The following LRRC4C variants were observed in gnomAD, a reference collection of about 807,000 sequenced individuals.
The protein encoded by LRRC4C is leucine rich repeat containing 4C.
LRRC4C carries 5 observed loss-of-function variants against 33.6 expected under a neutral mutation model. The observed-to-expected ratio is 0.15, with a 90% CI of 0.08 to 0.31. The LOEUF is 0.31. LRRC4C is among the 10% of genes least tolerant of loss of function. The pLI, the probability that LRRC4C is intolerant of heterozygous loss-of-function variation, is 1.00. For synonymous variants in LRRC4C, 329 were observed against 302.0 expected, an observed-to-expected ratio of 1.09 and a Z score of -0.93; for missense variants, 560 against 796.7, an observed-to-expected ratio of 0.70 and a Z score of 3.58.
At chr11:40,548,151 G>A (rs1956999216) in intron 3 of LRRC4C, among the ~76,000 whole-genome samples, 1 of 152,008 alleles carries the variant, frequency 6.6e-6, no homozygotes, top group South Asian at 2.1e-4. Flanking sequence ...AAAAATCACT[G>A]AAGAAAATAA....
chr11:40,160,452 G>T (rs1001524640), intron 5 of LRRC4C, among the ~76,000 whole-genome samples: 2 of 152,024 alleles, frequency 1.3e-5, no homozygotes, highest in Non-Finnish European at 2.9e-5. Context: ...AATTTCGAGG[G>T]CATGAGAACA....
chr11:41,118,422 G>C (rs1942251379), intron 1 of LRRC4C, among the ~76,000 whole-genome samples: 1 of 152,168 alleles, frequency 6.6e-6, no homozygotes, highest in African/African-American at 2.4e-5. Context: ...TAGAATCAAA[G>C]ACAGCAAAGC....
chr11:41,344,182 T>C (rs1225443528), intron 1 of LRRC4C, among the ~76,000 whole-genome samples: 4 of 152,006 alleles, frequency 2.6e-5, no homozygotes, highest in Non-Finnish European at 5.9e-5. Flanking sequence ...AGCCCAGTGA[T>C]TTTCCCAATA....
chr11:40,324,079 G>A (rs1418037398), intron 3 of LRRC4C, among the ~76,000 whole-genome samples: 3 of 152,210 alleles, frequency 2.0e-5, no homozygotes, highest in Non-Finnish European at 2.9e-5. Flanking sequence ...GTGAGTTTAT[G>A]TGTGTGTGTT....
At chr11:40,557,644 G>A (rs1240945346) in intron 3 of LRRC4C, among the ~76,000 whole-genome samples, 1 of 151,914 alleles carries the variant, frequency 6.6e-6, no homozygotes. Flanking sequence ...TGAGGAAAGT[G>A]AGCTTCTCTG....
chr11:41,007,399 A>G (rs2137472586), intron 1 of LRRC4C, among the ~76,000 whole-genome samples: 1 of 152,216 alleles, frequency 6.6e-6, no homozygotes, highest in South Asian at 2.1e-4. Context: ...CAGATTGCCA[A>G]GGATTATACA....
At chr11:40,965,628 C>A (rs1388750311) in intron 1 of LRRC4C, among the ~76,000 whole-genome samples, 2 of 152,094 alleles carry the variant, frequency 1.3e-5, no homozygotes, top group Non-Finnish European at 2.9e-5. Flanking sequence ...AATAGGGAAT[C>A]CTTTCCCCAT....
rs1041999571 is a variant in LRRC4C, at chr11:40,193,548, C to A, written c.-96+47971G>T. Reference sequence around the variant, plus strand: ...TTCCAAAAACCAGAATGCCTCTTCTCCTCCAAAGGATCACGACTCCTCGCC... The same window carrying A: ...TTCCAAAAACCAGAATGCCTCTTCTACTCCAAAGGATCACGACTCCTCGCC... On this transcript the variant is annotated intron_variant, in intron 5 of 6. Transcript: ENST00000528697. 2.6e-5 allele frequency among the ~76,000 whole-genome samples: 4 copies of A among 152,134 alleles called. No homozygotes were observed. The South Asian group carries it at 8.3e-4, about 31-fold the overall frequency.
intron 1 of LRRC4C, among the ~76,000 whole-genome samples, chr11:41,168,972 G>A (rs540128545): frequency 5.3e-5 from 8 of 152,060 alleles, no homozygotes; most frequent in African/African-American, 1.2e-4. Context: ...GCCATTCTTC[G>A]CAAGGAGATT....
chr11:41,145,682 C>A (rs978764076), intron 1 of LRRC4C, among the ~76,000 whole-genome samples: 8 of 152,210 alleles, frequency 5.3e-5, no homozygotes, highest in African/African-American at 1.9e-4. Flanking sequence ...TCTAGACTGT[C>A]CATTTGAATA....
chr11:40,436,425 G>A lies in LRRC4C; in HGVS notation c.-269-116704C>T, dbSNP rs866603661. ...AGTGTCACTCTAAGGAAGTAGGAGT[G>A]TGACTTGAGTAATAAAGGCAAATTT... On this transcript the variant is annotated intron_variant, in intron 3 of 6. Coordinates refer to ENST00000528697, the MANE Select transcript of LRRC4C (RefSeq NM_001258419.2). 8.7e-4 allele frequency among the ~76,000 whole-genome samples: 133 copies of A among 152,246 alleles called. 1 individual carries two copies. Among genetic ancestry groups the A allele is most frequent in the African/African-American group, 2.8e-3 (118 of 41,546 alleles).
intron 3 of LRRC4C, chr11:40,445,658 T>A (rs1951599181): frequency 6.5e-6 from 1 of 152,844 alleles, no homozygotes. Context: ...CCACATTCCT[T>A]ACATTCATAA....
Position 40,353,606 on chromosome 11 carries a change from T to C in LRRC4C, c.-269-33885A>G, listed in dbSNP as rs886522113. On this transcript the variant is annotated intron_variant, in intron 3 of 6. Transcript: ENST00000528697. The stretch of plus-strand genomic sequence containing the variant: ...TCACGTGCCTGTAATTCTAGGTATT[T>C]GGGAGGCTGAGTCATGAGAAACACT... Among the ~76,000 whole-genome samples, 11 of 152,180 alleles carry C rather than the reference T, an allele frequency of 7.2e-5. 1 individual carries two copies. Among genetic ancestry groups the C allele is most frequent in the Admixed American group, 7.2e-4 (11 of 15,286 alleles).
chr11:40,646,031 GTT>G (rs57017910), intron 3 of LRRC4C, among the ~76,000 whole-genome samples: 79,039 of 141,492 alleles, frequency 0.56, 21,158 homozygotes, highest in East Asian at 0.68. Flanking sequence ...ATTCCTCAGT[GTT>G]TTTTTTTTTT....
At chr11:41,424,154 C>CA (rs759667685) in intron 1 of LRRC4C, among the ~76,000 whole-genome samples, 42 of 152,138 alleles carry the variant, frequency 2.8e-4, no homozygotes, top group Middle Eastern at 3.4e-3. Context: ...GAAACTATCC[C>CA]ATTCCGATAG....
At chr11:40,874,885 G>C (rs887984400) in intron 2 of LRRC4C, among the ~76,000 whole-genome samples, 2 of 152,148 alleles carry the variant, frequency 1.3e-5, no homozygotes, top group African/African-American at 4.8e-5. Context: ...GAGATACTGA[G>C]TGAATAAAGA....
In LRRC4C at chr11:40,975,801, A is replaced by T. The variant is rs112139555; in HGVS notation, c.-495-42078T>A. ...AGGCAGATTTCAAAGCTTATATAAAATATGTTCCCTCTCAATCTTGTAGGC... is the reference window on the plus strand; with the variant it reads ...AGGCAGATTTCAAAGCTTATATAAATTATGTTCCCTCTCAATCTTGTAGGC... On this transcript the variant is annotated intron_variant, in intron 1 of 6. Transcript: ENST00000528697. Among the ~76,000 whole-genome samples the T allele has an allele frequency of 6.6e-4, 100 of 152,306 alleles. 1 individual carries two copies. Among genetic ancestry groups the T allele is most frequent in the African/African-American group, 2.3e-3 (95 of 41,566 alleles).
At chr11:40,427,481 TG>T (rs1950759558) in intron 3 of LRRC4C, among the ~76,000 whole-genome samples, 1 of 151,996 alleles carries the variant, frequency 6.6e-6, no homozygotes, top group Non-Finnish European at 1.5e-5. Flanking sequence ...CACTCTGGCC[TG>T]GGCAAACAGA....
At chr11:40,850,999 G>A (rs528088198) in intron 2 of LRRC4C, among the ~76,000 whole-genome samples, 1 of 152,240 alleles carries the variant, frequency 6.6e-6, no homozygotes, top group Admixed American at 6.5e-5. Flanking sequence ...TGGAGCCCTG[G>A]GTGGACTTCA....
Sources: allele counts gnomAD v4.1 joint callset (sites outside exome capture counted in the v4.1 genomes callset), GRCh38; gene constraint gnomAD v4.1.1; transcripts MANE v1.5; gene names NCBI Gene and HGNC (gene_info 2026-07-23, HGNC 2026-07-21).